The following DCDC1 variants were observed in gnomAD, a reference collection of about 807,000 sequenced individuals.
DCDC1 encodes doublecortin domain containing 1.
A neutral mutation model predicts 178.3 loss-of-function variants in DCDC1; 200 were observed. The observed-to-expected ratio is 1.12, with a 90% confidence interval of 1.00 to 1.26. DCDC1 has a LOEUF of 1.26. Among genes scored for constraint, DCDC1 ranks in the 50% most tolerant of loss-of-function variants. The pLI, the probability that DCDC1 is intolerant of heterozygous loss-of-function variation, is 0.00. For missense variants in DCDC1, 1,983 were observed against 1,749.2 expected, an observed-to-expected ratio of 1.13 and a Z score of -2.38; for synonymous variants, 690 against 604.8, an observed-to-expected ratio of 1.14 and a Z score of -2.07.
At chr11:30,903,397 A>C in intron 32 of DCDC1, 85 bp downstream of exon 32, 1 of 1,270,054 alleles carries the variant, frequency 7.9e-7, no homozygotes, top group East Asian at 2.8e-5. Flanking sequence ...ATTCTGAAAA[A>C]ACTGACTAAA....
At chr11:30,946,941 T>A (rs994154770) in intron 21 of DCDC1, among the ~76,000 whole-genome samples, 2 of 152,130 alleles carry the variant, frequency 1.3e-5, no homozygotes, top group Non-Finnish European at 2.9e-5. Flanking sequence ...GGAGACCATC[T>A]CCCTTCATAA....
At chr11:31,212,852 T>G (rs1972750462) in intron 9 of DCDC1, among the ~76,000 whole-genome samples, 1 of 152,196 alleles carries the variant, frequency 6.6e-6, no homozygotes, top group African/African-American at 2.4e-5. Flanking sequence ...TTAACTGCAA[T>G]GCAGCAATGC....
chr11:31,269,609 C>A (rs751834856), intron 7 of DCDC1, among the ~76,000 whole-genome samples: 6 of 152,014 alleles, frequency 3.9e-5, no homozygotes, highest in Non-Finnish European at 5.9e-5. Context: ...GGTCTCAAGA[C>A]CCCTGGTCTC....
At chr11:31,261,685 A>G (rs796724762) in intron 8 of DCDC1, among the ~76,000 whole-genome samples, 6 of 152,186 alleles carry the variant, frequency 3.9e-5, no homozygotes, top group African/African-American at 1.4e-4. Context: ...GGATGTTAGT[A>G]TGGGGGAGGC....
chr11:31,076,528 G>T (rs556023778), intron 18 of DCDC1, among the ~76,000 whole-genome samples: 1 of 152,028 alleles, frequency 6.6e-6, no homozygotes, highest in East Asian at 1.9e-4. Flanking sequence ...TTTAAATTTT[G>T]TAGAGCTGGG....
chr11:30,910,969 T>C (rs1340853129), intron 28 of DCDC1, among the ~76,000 whole-genome samples: 1 of 152,176 alleles, frequency 6.6e-6, no homozygotes, highest in African/African-American at 2.4e-5. Context: ...ATGTTCCTGA[T>C]GATCAAATTT....
At chr11:31,235,310 T>A (rs1306471167) in intron 9 of DCDC1, among the ~76,000 whole-genome samples, 2 of 151,830 alleles carry the variant, frequency 1.3e-5, no homozygotes, top group Non-Finnish European at 2.9e-5. Context: ...AATAATATAT[T>A]AATGCCAAAT....
intron 9 of DCDC1, among the ~76,000 whole-genome samples, chr11:31,195,786 G>A (rs1970626523): frequency 6.6e-6 from 1 of 151,438 alleles, no homozygotes; most frequent in South Asian, 2.1e-4. Flanking sequence ...TTACCTTCGT[G>A]TACCTCGTGC....
intron 31 of DCDC1, 41 bp from the exon 32 acceptor site, chr11:30,903,724 A>G: frequency 6.7e-7 from 1 of 1,490,672 alleles, no homozygotes; most frequent in Non-Finnish European, 9.0e-7. Context: ...GGCAAAGGTG[A>G]TAGCATTGGG....
At chr11:31,293,397 T>C (rs147722190) in intron 6 of DCDC1, among the ~76,000 whole-genome samples, 1 of 152,078 alleles carries the variant, frequency 6.6e-6, no homozygotes, top group Non-Finnish European at 1.5e-5. Context: ...AGGGAGGAGA[T>C]GTTACAGGCA....
chr11:31,264,101 G>A (rs1343467947), intron 8 of DCDC1, among the ~76,000 whole-genome samples: 2 of 152,164 alleles, frequency 1.3e-5, no homozygotes, highest in Non-Finnish European at 2.9e-5. Context: ...ATGTCCAAGA[G>A]TAGATAGTTT....
chr11:30,870,137 G>A (rs1270641104), intron 38 of DCDC1, among the ~76,000 whole-genome samples: 1 of 152,196 alleles, frequency 6.6e-6, no homozygotes, highest in African/African-American at 2.4e-5. Context: ...GTATGTTTGT[G>A]CAAATGGAAA....
intron 9 of DCDC1, chr11:31,215,406 T>A (rs992209047): frequency 3.3e-5 from 5 of 152,288 alleles, no homozygotes; most frequent in Non-Finnish European, 7.3e-5. Flanking sequence ...GTTTATGTCA[T>A]GTGTATATCT....
At chr11:31,343,301 G>C (rs1283407710) in intron 1 of DCDC1, among the ~76,000 whole-genome samples, 1 of 152,064 alleles carries the variant, frequency 6.6e-6, no homozygotes, top group Admixed American at 6.6e-5. Context: ...GTGGGTGTCA[G>C]AGTAAGACCC....
intron 20 of DCDC1, among the ~76,000 whole-genome samples, chr11:31,057,428 A>C (rs1347480706): frequency 6.6e-6 from 1 of 152,208 alleles, no homozygotes; most frequent in African/African-American, 2.4e-5. Context: ...GAAATATTTC[A>C]TATATTTGGA....
chr11:31,041,440 A>T (rs1478014697), intron 20 of DCDC1, among the ~76,000 whole-genome samples: 3 of 152,182 alleles, frequency 2.0e-5, no homozygotes, highest in Non-Finnish European at 4.4e-5. Flanking sequence ...TACTATTCCA[A>T]ATGCCTTATA....
intron 9 of DCDC1, among the ~76,000 whole-genome samples, chr11:31,238,317 C>T (rs1976695294): frequency 6.6e-6 from 1 of 151,996 alleles, no homozygotes. Context: ...CAACAGACTG[C>T]CATATTTTGT....
intron 25 of DCDC1, among the ~76,000 whole-genome samples, chr11:30,917,728 A>C (rs766153825): frequency 2.0e-5 from 3 of 152,182 alleles, no homozygotes; most frequent in Non-Finnish European, 4.4e-5. Flanking sequence ...TGATATGAGG[A>C]CTGCTTGACT....
chr11:30,907,904 G>A (rs1945180747), intron 29 of DCDC1, among the ~76,000 whole-genome samples: 1 of 152,082 alleles, frequency 6.6e-6, no homozygotes, highest in Non-Finnish European at 1.5e-5. Context: ...GAAAGAATTA[G>A]GTGTTCATCC....
Sources: gnomAD v4.1 joint callset for allele counts (sites outside exome capture counted in the v4.1 genomes callset) on GRCh38, gnomAD v4.1.1 for gene constraint, MANE v1.5 for transcripts, NCBI Gene and HGNC (gene_info 2026-07-23, HGNC 2026-07-21) for gene names.